The following PCDH15 variants were observed in gnomAD, a reference collection of about 807,000 sequenced individuals.
The protein encoded by PCDH15 is protocadherin-15.
A neutral mutation model predicts 178.5 loss-of-function variants in PCDH15; 129 were observed. That is an observed-to-expected ratio of 0.72 (90% CI 0.63 to 0.84). The LOEUF (loss-of-function observed/expected upper bound fraction) is 0.84, where lower values mean the gene tolerates loss of function less well. Among genes scored for constraint, PCDH15 ranks in the 40% least tolerant of loss-of-function variants. The pLI is 0.00. For missense variants in PCDH15, 2,230 were observed against 2,099.9 expected, an observed-to-expected ratio of 1.06 and a Z score of -1.21; for synonymous variants, 800 against 732.0, an observed-to-expected ratio of 1.09 and a Z score of -1.50.
chr10:54,703,642 C>T lies in PCDH15; in HGVS notation c.-28-39352G>A, dbSNP rs149765212. On this transcript the variant is annotated intron_variant, in intron 1 of 37. Transcript: ENST00000644397. The stretch of plus-strand genomic sequence containing the variant: ...ATTGCTTTCACAATAGTCACAAAAA[C>T]GTAAAATACCTAAAAATATAGTTAA... 2.9e-3 allele frequency among the ~76,000 whole-genome samples: 440 copies of T among 151,826 alleles called. 3 individuals are homozygous for T. The highest frequency in any genetic ancestry group is 9.4e-3 in the African/African-American group (391 of 41,450).
intron 1 of PCDH15, among the ~76,000 whole-genome samples, chr10:55,236,416 C>A (rs533492274): frequency 3.9e-5 from 6 of 152,042 alleles, no homozygotes; most frequent in East Asian, 1.9e-4. Flanking sequence ...ACACTTACAC[C>A]CTTCACCATC....
intron 25 of PCDH15, among the ~76,000 whole-genome samples, chr10:53,907,614 T>A (rs1589362707): frequency 6.6e-6 from 1 of 152,230 alleles, no homozygotes; most frequent in East Asian, 1.9e-4. Context: ...TCCAATTTTC[T>A]ATGGGACAAT....
At chr10:54,608,817 A>AAAG (rs532876595) in intron 2 of PCDH15, among the ~76,000 whole-genome samples, 8 of 151,990 alleles carry the variant, frequency 5.3e-5, no homozygotes, top group Non-Finnish European at 8.8e-5. Flanking sequence ...TCCATTAAAA[A>AAAG]AAGAAGAAGA....
chr10:53,964,580 A>G (rs1332806353), intron 21 of PCDH15, among the ~76,000 whole-genome samples: 1 of 151,770 alleles, frequency 6.6e-6, no homozygotes, highest in African/African-American at 2.4e-5. Context: ...GTGCCCAGAC[A>G]CTTCAACTGA....
rs895881291 is a variant in PCDH15, at chr10:54,546,475, T to C, written c.92-18598A>G. On this transcript the variant is annotated intron_variant, in intron 2 of 37. Coordinates refer to ENST00000644397, the MANE Select transcript of PCDH15 (RefSeq NM_001384140.1). ...TCTTATTGAATTCCTAAATTGCTTT[T>C]AGGAATTTATTATAAGAAAATAGTG... is the stretch of plus-strand genomic sequence containing the variant. Among the ~76,000 whole-genome samples, 3 of 152,246 alleles carry C rather than the reference T, an allele frequency of 2.0e-5. No individual in the cohort carries two copies. In the South Asian group the frequency reaches 6.2e-4, roughly 32 times the overall value.
intron 3 of PCDH15, among the ~76,000 whole-genome samples, chr10:54,893,250 AATG>A (rs1359155253): frequency 6.6e-6 from 1 of 152,048 alleles, no homozygotes; most frequent in Non-Finnish European, 1.5e-5. Flanking sequence ...AAAAACCAAA[AATG>A]ATAATTAATA....
At chr10:54,951,263 T>C (rs1838330634) in intron 2 of PCDH15, among the ~76,000 whole-genome samples, 2 of 151,878 alleles carry the variant, frequency 1.3e-5, no homozygotes, top group African/African-American at 4.8e-5. Context: ...CACTGAAAGT[T>C]TTACAGTCTC....
chr10:54,210,556 C>A (rs562467890), intron 10 of PCDH15, among the ~76,000 whole-genome samples: 1 of 151,946 alleles, frequency 6.6e-6, no homozygotes, highest in African/African-American at 2.4e-5. Flanking sequence ...CTATGCCTTT[C>A]GAGGGCAAAT....
At chr10:54,155,811 A>AT in intron 13 of PCDH15, among the ~76,000 whole-genome samples, 1 of 151,234 alleles carries the variant, frequency 6.6e-6, no homozygotes, top group South Asian at 2.1e-4. Flanking sequence ...AAAAAAAAAA[A>AT]TCCAAAACCT....
chr10:54,827,520 T>C (rs1953151712), intron 3 of PCDH15, among the ~76,000 whole-genome samples: 1 of 152,090 alleles, frequency 6.6e-6, no homozygotes, highest in Admixed American at 6.6e-5. Context: ...ATTATTTTCA[T>C]CAAGTCTGCA....
chr10:54,316,724 G>T (rs2061300768), intron 8 of PCDH15, among the ~76,000 whole-genome samples: 1 of 152,052 alleles, frequency 6.6e-6, no homozygotes, highest in African/African-American at 2.4e-5. Context: ...AGCTCCATTA[G>T]CATTTATCAA....
intron 2 of PCDH15, among the ~76,000 whole-genome samples, chr10:55,557,705 C>T (rs1225967271): frequency 1.3e-5 from 2 of 152,092 alleles, no homozygotes; most frequent in Non-Finnish European, 2.9e-5. Flanking sequence ...TGAAGGATTG[C>T]TGCTATCTTA....
At chr10:55,212,166 G>T (rs1840587980) in intron 1 of PCDH15, among the ~76,000 whole-genome samples, 1 of 152,080 alleles carries the variant, frequency 6.6e-6, no homozygotes, top group African/African-American at 2.4e-5. Context: ...CATAATAAAA[G>T]ATTAGGTTGA....
At chr10:54,216,963 T>TA (rs1331574718) in intron 9 of PCDH15, among the ~76,000 whole-genome samples, 10 of 151,738 alleles carry the variant, frequency 6.6e-5, no homozygotes, top group South Asian at 2.1e-4. Context: ...CTATATTAAG[T>TA]AAAAAAAAGC....
At chr10:54,490,069 A>G (rs146902450) in intron 3 of PCDH15, among the ~76,000 whole-genome samples, 9 of 152,300 alleles carry the variant, frequency 5.9e-5, no homozygotes, top group Admixed American at 1.3e-4. Context: ...AATTAATTGA[A>G]GAGAAATGTT....
At chr10:53,810,696 T>G in intron 36 of PCDH15, 32 bp from the exon 37 acceptor site, 1 of 1,563,572 alleles carries the variant, frequency 6.4e-7, no homozygotes, top group Non-Finnish European at 8.8e-7. Flanking sequence ...TTAAACAGTT[T>G]GTCATGTGAT....
rs753575168 is a variant in PCDH15, at chr10:53,817,499, GTTTTTTTTTTCTTTTTC to G, written c.4452+479_4452+495del. Among the ~76,000 whole-genome samples the G allele has an allele frequency of 3.7e-4, 49 of 131,002 alleles. No homozygotes were observed. The East Asian group carries it at 4.4e-3, about 12-fold the overall frequency. 85.9% of individuals were successfully genotyped at this position (131,002 alleles called of 152,430 possible). ...AAGTAGTCCTATATATATATTCTTT[GTTTTTTTTTTCTTTTTC>G]TTTTTTTTTTCTTTTTTTTTTTTTT... On this transcript the variant is annotated intron_variant, in intron 34 of 37. Coordinates refer to ENST00000644397, the MANE Select transcript of PCDH15 (RefSeq NM_001384140.1).
At position 55,206,495 on chromosome 10, in the gene PCDH15, T is replaced by C. The variant is rs1409868616; in HGVS notation, c.-155-39844A>G. Among the ~76,000 whole-genome samples, 34 of 152,140 alleles carry C rather than the reference T, an allele frequency of 2.2e-4. 1 individual carries two copies. The highest frequency in any genetic ancestry group is 6.5e-5 in the Admixed American group (1 of 15,282). On this transcript the variant is annotated intron_variant, in intron 1 of 5. Coordinates refer to the PCDH15 transcript ENST00000458638. ...TAGTTTTCTCTCAGCTTGTCTTTAGTTAGTTACTTAACTTGAGTTTCAGTG... is the reference window on the plus strand; with the variant it reads ...TAGTTTTCTCTCAGCTTGTCTTTAGCTAGTTACTTAACTTGAGTTTCAGTG...
At chr10:53,922,751 T>A (rs1238291475) in intron 25 of PCDH15, among the ~76,000 whole-genome samples, 1 of 152,198 alleles carries the variant, frequency 6.6e-6, no homozygotes, top group African/African-American at 2.4e-5. Context: ...ACTGAACCAC[T>A]AAACTGGTTA....
Sources: allele counts gnomAD v4.1 joint callset (sites outside exome capture counted in the v4.1 genomes callset), GRCh38; gene constraint gnomAD v4.1.1; transcripts MANE v1.5; gene names NCBI Gene and HGNC (gene_info 2026-07-23, HGNC 2026-07-21).